The following NT5DC1 variants were observed in gnomAD, a reference collection of about 807,000 sequenced individuals.
NT5DC1 encodes the protein 5'-nucleotidase domain containing 1, also known as 5'-nucleotidase domain-containing protein 1.
In NT5DC1, 42 loss-of-function variants were observed where a neutral mutation model predicts 59.4. The ratio of observed to expected loss-of-function variants is 0.71; its 90% confidence interval spans 0.55 to 0.92. The LOEUF (loss-of-function observed/expected upper bound fraction) is 0.92. Among genes scored for constraint, NT5DC1 ranks in the 40% least tolerant of loss-of-function variants. The pLI, the probability that NT5DC1 is intolerant of heterozygous loss-of-function variation, is 0.00. For missense variants in NT5DC1, 501 were observed against 537.1 expected (o/e 0.93, Z 0.66); for synonymous variants, 172 against 188.1 (o/e 0.91, Z 0.70).
rs145075526 is a variant in NT5DC1, at chr6:116,216,335, T to C, written c.530-4719T>C. Among the ~76,000 whole-genome samples, 206 of 151,908 alleles carry C rather than the reference T, an allele frequency of 1.4e-3. 1 individual carries two copies. The highest frequency in any genetic ancestry group is 4.6e-3 in the African/African-American group (192 of 41,360). ...TCTGGTTTTTATATTTTATATTTTA[T>C]ATTTTAGGTCAACAAGTCTTAATCC... On this transcript the variant is annotated intron_variant, in intron 6 of 11. Transcript: ENST00000319550.
intron 2 of NT5DC1, among the ~76,000 whole-genome samples, chr6:116,107,469 C>T (rs537799465): frequency 1.3e-5 from 2 of 151,754 alleles, no homozygotes; most frequent in Admixed American, 6.6e-5. Context: ...ACTCACCTTT[C>T]TCCCCAAATC....
intron 6 of NT5DC1, among the ~76,000 whole-genome samples, chr6:116,135,584 A>G (rs1779569861): frequency 6.6e-6 from 1 of 151,670 alleles, no homozygotes; most frequent in African/African-American, 2.4e-5. Flanking sequence ...TATAACTTCT[A>G]TTACCAAAAG....
intron 8 of NT5DC1, among the ~76,000 whole-genome samples, chr6:116,236,518 C>G (rs1452945537): frequency 6.6e-6 from 1 of 152,178 alleles, no homozygotes; most frequent in Admixed American, 6.5e-5. Flanking sequence ...TTTGAGGCAC[C>G]AAGGGTGCAA....
At chr6:116,141,346 A>T (rs1779759154) in intron 6 of NT5DC1, among the ~76,000 whole-genome samples, 1 of 151,746 alleles carries the variant, frequency 6.6e-6, no homozygotes, top group African/African-American at 2.4e-5. Context: ...TGTGTTGCAG[A>T]TACTTCCAGT....
chr6:116,131,069 T>C (rs1035585012), intron 6 of NT5DC1, among the ~76,000 whole-genome samples: 1 of 152,222 alleles, frequency 6.6e-6, no homozygotes, highest in Non-Finnish European at 1.5e-5. Flanking sequence ...TAATTTGTTT[T>C]ATACTTTCAT....
At chr6:116,187,843 G>T (rs1032705836) in intron 6 of NT5DC1, among the ~76,000 whole-genome samples, 1 of 152,016 alleles carries the variant, frequency 6.6e-6, no homozygotes, top group African/African-American at 2.4e-5. Context: ...TTGATTGATT[G>T]TAAAGGAAAA....
At chr6:116,195,775 T>C (rs1029901218) in intron 6 of NT5DC1, among the ~76,000 whole-genome samples, 1 of 152,012 alleles carries the variant, frequency 6.6e-6, no homozygotes, top group African/African-American at 2.4e-5. Flanking sequence ...CTAGTAGCAA[T>C]TAAGCAAATT....
intron 6 of NT5DC1, among the ~76,000 whole-genome samples, chr6:116,208,575 A>G (rs1204277523): frequency 1.3e-5 from 2 of 152,012 alleles, no homozygotes; most frequent in South Asian, 2.1e-4. Flanking sequence ...TCAAGCTACA[A>G]GCTCTTTAGT....
At chr6:116,211,086 T>C (rs1043500430) in intron 6 of NT5DC1, among the ~76,000 whole-genome samples, 3 of 152,032 alleles carry the variant, frequency 2.0e-5, no homozygotes, top group Non-Finnish European at 4.4e-5. Flanking sequence ...CTTAAAACAC[T>C]TGCTCTGGGG....
intron 8 of NT5DC1, among the ~76,000 whole-genome samples, chr6:116,231,303 T>C (rs1782016751): frequency 6.6e-6 from 1 of 151,802 alleles, no homozygotes; most frequent in South Asian, 2.1e-4. Flanking sequence ...AAAGTATGTA[T>C]GAAAATGAAC....
At chr6:116,158,157 C>T (rs2114418158) in intron 6 of NT5DC1, among the ~76,000 whole-genome samples, 1 of 152,248 alleles carries the variant, frequency 6.6e-6, no homozygotes, top group East Asian at 1.9e-4. Context: ...GTTTTTATTA[C>T]AAATAAATCT....
chr6:116,111,051 T>C, intron 4 of NT5DC1, 95 bp downstream of exon 4: 2 of 813,286 alleles, frequency 2.5e-6, no homozygotes, highest in East Asian at 5.3e-5. Context: ...CCCTTTCCCC[T>C]GCTGGGCAGG....
At chr6:116,194,975 C>G (rs984111760) in intron 6 of NT5DC1, among the ~76,000 whole-genome samples, 2 of 152,066 alleles carry the variant, frequency 1.3e-5, no homozygotes, top group African/African-American at 2.4e-5. Flanking sequence ...GGAAGATATA[C>G]AGTGATTATT....
chr6:116,201,004 G>A (rs755101766), intron 6 of NT5DC1, among the ~76,000 whole-genome samples: 3 of 151,940 alleles, frequency 2.0e-5, no homozygotes, highest in East Asian at 1.9e-4. Context: ...GGAAAAAAGC[G>A]GGAAGGTACT....
Position 116,178,637 on chromosome 6 carries a change from A to T in NT5DC1, c.530-42417A>T, listed in dbSNP as rs183287283. On this transcript the variant is annotated intron_variant, in intron 6 of 11. Transcript: ENST00000319550. ...AATGAACTTTTCAAAGTCAGTGCAA[A>T]GAACTATAGTTTTGGTAAAGGCAAT... Among the ~76,000 whole-genome samples the T allele has an allele frequency of 5.4e-4, 82 of 152,366 alleles. No individual in the cohort carries two copies. In the Middle Eastern group the frequency reaches 0.014, roughly 25 times the overall value.
At chr6:116,173,738 A>G (rs908524435) in intron 6 of NT5DC1, among the ~76,000 whole-genome samples, 1 of 152,160 alleles carries the variant, frequency 6.6e-6, no homozygotes, top group Non-Finnish European at 1.5e-5. Flanking sequence ...GTATAGAAAA[A>G]TGATAAAGAC....
intron 6 of NT5DC1, among the ~76,000 whole-genome samples, chr6:116,188,236 C>A (rs1258076095): frequency 6.6e-6 from 1 of 151,952 alleles, no homozygotes. Flanking sequence ...CCTTAAACTG[C>A]TGGTGGGAGT....
At chr6:116,125,219 G>A (rs373709444) in intron 6 of NT5DC1, 2 of 1,058,306 alleles carry the variant, frequency 1.9e-6, no homozygotes, top group South Asian at 1.5e-5. Context: ...TAATAATTTG[G>A]GCTAATTCAG....
chr6:116,166,431 AG>A (rs1269965189), intron 6 of NT5DC1, among the ~76,000 whole-genome samples: 2 of 152,232 alleles, frequency 1.3e-5, no homozygotes, highest in Non-Finnish European at 1.5e-5. Context: ...TCTTCAACAA[AG>A]GTGCTAAGAA....
Sources: gnomAD v4.1 joint callset for allele counts (sites outside exome capture counted in the v4.1 genomes callset) on GRCh38, gnomAD v4.1.1 for gene constraint, MANE v1.5 for transcripts, NCBI Gene and HGNC (gene_info 2026-07-23, HGNC 2026-07-21) for gene names.